The following SLC25A36 variants were observed in gnomAD, a reference collection of about 807,000 sequenced individuals.
SLC25A36 encodes the protein epididymis secretory sperm binding protein.
In SLC25A36, 24 loss-of-function variants were observed where a neutral mutation model predicts 35.3. That is an observed-to-expected ratio of 0.68 (90% CI 0.49 to 0.96). The LOEUF (loss-of-function observed/expected upper bound fraction) is 0.96, where lower values mean the gene tolerates loss of function less well. Ranked by LOEUF, SLC25A36 falls within the 40% of genes least tolerant of loss-of-function variation. The probability of loss-of-function intolerance (pLI) is 0.00; values close to 1 mark genes in which losing one functional copy is unlikely to be tolerated. For missense variants in SLC25A36, 294 were observed against 381.1 expected (o/e 0.77, Z 1.90); for synonymous variants, 141 against 132.2 (o/e 1.07, Z -0.46).
chr3:140,952,262 C>A (rs1406671157), intron 1 of SLC25A36, among the ~76,000 whole-genome samples: 2 of 152,090 alleles, frequency 1.3e-5, no homozygotes, highest in Admixed American at 1.3e-4. Context: ...AGGTGATCCA[C>A]CTGCCTTAGC....
intron 1 of SLC25A36, among the ~76,000 whole-genome samples, chr3:140,943,704 TATG>T (rs1218359312): frequency 6.6e-6 from 1 of 151,790 alleles, no homozygotes; most frequent in Non-Finnish European, 1.5e-5. Flanking sequence ...GGTTGTATTA[TATG>T]ATCTCTAAAG....
chr3:140,969,255 T>G (rs888467949), intron 4 of SLC25A36, among the ~76,000 whole-genome samples: 1 of 151,858 alleles, frequency 6.6e-6, no homozygotes, highest in Non-Finnish European at 1.5e-5. Context: ...TAAACTGGTC[T>G]GATAGTTTCA....
chr3:140,949,513 G>C (rs932360724), intron 1 of SLC25A36, among the ~76,000 whole-genome samples: 5 of 152,202 alleles, frequency 3.3e-5, no homozygotes, highest in Non-Finnish European at 7.4e-5. Flanking sequence ...AAGCGATCTT[G>C]GCCTTCTCGT....
At chr3:140,964,136 G>T (rs929596075) in intron 4 of SLC25A36, 1 of 151,882 alleles carries the variant, frequency 6.6e-6, no homozygotes, top group Non-Finnish European at 1.5e-5. Context: ...TTAATAATGA[G>T]TGCCTTAAAC....
In SLC25A36 at chr3:140,980,594, AG is replaced by A. The variant is rs1935157323; in HGVS notation, c.*4144del. 6.6e-6 allele frequency among the ~76,000 whole-genome samples: 1 copy of A among 152,096 alleles called. No individual in the cohort carries two copies. The highest frequency in any genetic ancestry group is 1.5e-5 in the Non-Finnish European group (1 of 68,024). On this transcript the variant is annotated 3_prime_UTR_variant, in exon 7 of 7. Coordinates refer to ENST00000324194, the MANE Select transcript of SLC25A36 (RefSeq NM_001104647.3). ...ATTACTGAACATTGGGAGCCGTGAT[AG>A]GGAAGTAATTTGTGAGTTCATGATT...
chr3:140,946,309 G>C (rs1389158077), intron 1 of SLC25A36, among the ~76,000 whole-genome samples: 1 of 152,126 alleles, frequency 6.6e-6, no homozygotes, highest in African/African-American at 2.4e-5. Context: ...TATACAAAAG[G>C]AACTAGCCCC....
chr3:140,975,417 C>G (rs1335811589), intron 6 of SLC25A36, among the ~76,000 whole-genome samples: 1 of 152,056 alleles, frequency 6.6e-6, no homozygotes, highest in Non-Finnish European at 1.5e-5. Flanking sequence ...CCAAACAGGA[C>G]ATTTTGGAGT....
chr3:140,956,667 C>G lies in SLC25A36; in HGVS notation c.182C>G (p.Ser61Cys). The part of the protein sequence containing the change: ...MAGASVNRVV[S>C]PGPLHCLKVI... ...GGAGCCAGTGTCAACCGAGTAGTGT[C>G]TCCCGGACCTCTTCATTGCCTAAAG... Residue 61 changes from serine (S) to cysteine (C), a missense_variant, in exon 2 of 7, where the codon TCT becomes TGT. Physicochemically the swap from Ser to Cys is moderately radical, Grantham distance 112 (BLOSUM62 -1). Coordinates refer to ENST00000324194, the MANE Select transcript of SLC25A36 (RefSeq NM_001104647.3). 1 of 1,611,512 alleles carries G rather than the reference C, an allele frequency of 6.2e-7. No individual in the cohort carries two copies. The highest frequency in any genetic ancestry group is 2.2e-5 in the East Asian group (1 of 44,850).
chr3:140,941,955 G>C lies in SLC25A36; in HGVS notation c.-100G>C. 3.0e-6 allele frequency: 2 copies of C among 660,764 alleles called. No individual in the cohort carries two copies. The highest frequency in any genetic ancestry group is 5.1e-6 in the Non-Finnish European group (2 of 392,640). The allele number at this position is 660,764 out of a possible 1,614,324, so 40.9% of individuals were successfully genotyped here. A position where few individuals can be genotyped will look rare whatever the true frequency, so the allele number is the denominator to read the frequency against. On this transcript the variant is annotated 5_prime_UTR_variant, in exon 1 of 7. Coordinates refer to ENST00000324194, the MANE Select transcript of SLC25A36 (RefSeq NM_001104647.3). ...CGGCCAGCTCTCCTCGCCGTCCCCG[G>C]GGCGCTGTGCGTCTCCAGTCCGGGA...
chr3:140,975,261 C>T (rs1338261306), intron 6 of SLC25A36, among the ~76,000 whole-genome samples: 1 of 151,610 alleles, frequency 6.6e-6, no homozygotes, highest in African/African-American at 2.4e-5. Flanking sequence ...GCTCAGGCCA[C>T]TATGCCCAGC....
At chr3:140,973,688 C>G in intron 5 of SLC25A36, 28 bp from the exon 6 acceptor site, 1 of 1,399,968 alleles carries the variant, frequency 7.1e-7, no homozygotes, top group South Asian at 2.1e-5. Context: ...AAAAACCTAT[C>G]AGTAAGATGT....
chr3:140,962,310 A>T lies in SLC25A36; in HGVS notation c.285-817A>T, dbSNP rs184576599. ...TCACTCTGTTTCTTATTGGATGAGT[A>T]ATCAGGATTTTTGGGGAAATAACTG... is the stretch of plus-strand genomic sequence containing the variant. On this transcript the variant is annotated intron_variant, in intron 3 of 6. Transcript: ENST00000324194. Among the ~76,000 whole-genome samples the T allele has an allele frequency of 2.6e-5, 4 of 152,338 alleles. No individual in the cohort carries two copies. The East Asian group carries it at 5.8e-4, about 22-fold the overall frequency.
chr3:140,955,728 T>C (rs1934462709), intron 1 of SLC25A36, among the ~76,000 whole-genome samples: 1 of 152,184 alleles, frequency 6.6e-6, no homozygotes, highest in African/African-American at 2.4e-5. Flanking sequence ...GGTCTCACTC[T>C]GTTGCCCAGG....
At chr3:140,965,594 T>G (rs577109033) in intron 4 of SLC25A36, 5 of 151,966 alleles carry the variant, frequency 3.3e-5, no homozygotes, top group Non-Finnish European at 7.4e-5. Context: ...TAATAAAAAT[T>G]TATTTTATTA....
At chr3:140,963,100 A>T in intron 3 of SLC25A36, 27 bp from the exon 4 acceptor site, 2 of 1,397,634 alleles carry the variant, frequency 1.4e-6, no homozygotes, top group Non-Finnish European at 2.0e-6. Flanking sequence ...GAACATGCTT[A>T]TTGATAAATC....
Position 140,954,527 on chromosome 3 carries a change from T to C in SLC25A36, c.42-2000T>C, listed in dbSNP as rs555231410. Among the ~76,000 whole-genome samples, 5 of 152,336 alleles carry C rather than the reference T, an allele frequency of 3.3e-5. No homozygotes were observed. The South Asian group carries it at 1.0e-3, about 32-fold the overall frequency. On this transcript the variant is annotated intron_variant, in intron 1 of 6. Coordinates refer to ENST00000324194, the MANE Select transcript of SLC25A36 (RefSeq NM_001104647.3). The stretch of plus-strand genomic sequence containing the variant: ...ACCAGCAGTGTAAGAGATTTCCAGT[T>C]CAGCGGTTGGCTGTTTGTTGGTCAG...
intron 5 of SLC25A36, chr3:140,972,940 G>A (rs1259250559): frequency 6.6e-6 from 1 of 152,082 alleles, no homozygotes; most frequent in Admixed American, 6.6e-5. Flanking sequence ...GTCTCTTATA[G>A]ATAAGGACCT....
At chr3:140,968,303 T>A in intron 4 of SLC25A36, 1 of 777,526 alleles carries the variant, frequency 1.3e-6, no homozygotes. Context: ...GGATTGTGTC[T>A]AGATTCTTTA....
intron 3 of SLC25A36, among the ~76,000 whole-genome samples, chr3:140,962,279 T>A (rs1934650053): frequency 6.6e-6 from 1 of 152,240 alleles, no homozygotes; most frequent in African/African-American, 2.4e-5. Flanking sequence ...TTCTCATTTG[T>A]ATTTGTCACT....
Sources: allele counts gnomAD v4.1 joint callset (sites outside exome capture counted in the v4.1 genomes callset), GRCh38; gene constraint gnomAD v4.1.1; transcripts MANE v1.5; gene names NCBI Gene and HGNC (gene_info 2026-07-23, HGNC 2026-07-21).